Variants in DIAPH2 observed in about 807,000 individuals in gnomAD.
DIAPH2 encodes the protein diaphanous related formin 2, also known as protein diaphanous homolog 2.
In DIAPH2, 35 loss-of-function variants were observed where a neutral mutation model predicts 92.7. That is an observed-to-expected ratio of 0.38 (90% CI 0.29 to 0.50). The LOEUF is 0.50. DIAPH2 is among the 20% of genes least tolerant of loss of function. The pLI, the probability that DIAPH2 is intolerant of heterozygous loss-of-function variation, is 0.94. For synonymous variants in DIAPH2, 301 were observed against 280.4 expected, an observed-to-expected ratio of 1.07 and a Z score of -0.73; for missense variants, 701 against 819.5, an observed-to-expected ratio of 0.86 and a Z score of 1.77.
chrX:96,901,949 G>C (rs771623701), intron 5 of DIAPH2, among the ~76,000 whole-genome samples: 1 of 111,675 alleles, frequency 9.0e-6, no homozygotes, highest in East Asian at 2.8e-4. Flanking sequence ...TCTTAGCACT[G>C]CTTTTGCCAT....
chrX:97,163,353 C>G (rs2067388740), intron 22 of DIAPH2, among the ~76,000 whole-genome samples: 1 of 110,529 alleles, frequency 9.0e-6, no homozygotes, highest in African/African-American at 3.3e-5. Flanking sequence ...CCACGCCTGG[C>G]TGATTTTTGT....
intron 22 of DIAPH2, among the ~76,000 whole-genome samples, chrX:97,226,203 T>G (rs948383825): frequency 9.0e-6 from 1 of 111,565 alleles, no homozygotes; most frequent in African/African-American, 3.3e-5. Flanking sequence ...AAGTCTGTAG[T>G]TGTTATTAAT....
chrX:96,765,865 A>G (rs1447700714), intron 4 of DIAPH2, among the ~76,000 whole-genome samples: 1 of 110,664 alleles, frequency 9.0e-6, no homozygotes, highest in East Asian at 2.8e-4. Context: ...TTATTCTTTA[A>G]TACCTTTAAA....
intron 23 of DIAPH2, among the ~76,000 whole-genome samples, chrX:97,339,034 T>C (rs5921789): frequency 0.024 from 2,634 of 111,722 alleles, 28 homozygotes; most frequent in Middle Eastern, 0.041. Context: ...TATGGAGGAA[T>C]TACAACTATC....
chrX:96,738,495 T>C, intron 2 of DIAPH2, 91 bp from the exon 3 acceptor site: 4 of 717,855 alleles, frequency 5.6e-6, no homozygotes, highest in Non-Finnish European at 6.1e-6. Flanking sequence ...ATATGTATTA[T>C]ACTAAGTGCC....
At chrX:96,768,294 G>A (rs1248752878) in intron 4 of DIAPH2, among the ~76,000 whole-genome samples, 4 of 111,860 alleles carry the variant, frequency 3.6e-5, no homozygotes, top group Non-Finnish European at 7.5e-5. Flanking sequence ...CAGCAGCAAC[G>A]GCTTTTTGGG....
intron 23 of DIAPH2, among the ~76,000 whole-genome samples, chrX:97,251,934 G>A (rs777664666): frequency 1.1e-3 from 124 of 111,431 alleles, no homozygotes; most frequent in Middle Eastern, 4.6e-3. Flanking sequence ...GCATGCCAAG[G>A]TAGCGTACTT....
intron 23 of DIAPH2, among the ~76,000 whole-genome samples, chrX:97,333,089 G>T (rs1027465146): frequency 9.0e-6 from 1 of 111,618 alleles, no homozygotes; most frequent in Non-Finnish European, 1.9e-5. Context: ...CCTATATTTG[G>T]GGGGAGTATA....
chrX:96,717,146 CTT>C (rs752040743), intron 1 of DIAPH2, among the ~76,000 whole-genome samples: 2 of 112,012 alleles, frequency 1.8e-5, no homozygotes, highest in South Asian at 7.4e-4. Context: ...TTGTAGAAAT[CTT>C]TTGGTTTTGA....
intron 17 of DIAPH2, among the ~76,000 whole-genome samples, chrX:97,042,635 G>T (rs1055556577): frequency 2.8e-4 from 31 of 111,882 alleles, no homozygotes; most frequent in South Asian, 1.1e-3. Flanking sequence ...ATTCTATTTT[G>T]TGAAGTCAAT....
chrX:97,210,702 T>C (rs1602419555), intron 22 of DIAPH2, among the ~76,000 whole-genome samples: 1 of 112,035 alleles, frequency 8.9e-6, no homozygotes, highest in African/African-American at 3.2e-5. Flanking sequence ...CAACAGTTTC[T>C]ATTCCACAGA....
chrX:97,473,119 G>T (rs1317541549), intron 26 of DIAPH2, among the ~76,000 whole-genome samples: 1 of 111,306 alleles, frequency 9.0e-6, no homozygotes. Context: ...ACACACTTTA[G>T]CCCTTTATTA....
intron 4 of DIAPH2, among the ~76,000 whole-genome samples, chrX:96,811,963 A>G: frequency 9.0e-6 from 1 of 111,244 alleles, no homozygotes; most frequent in Non-Finnish European, 1.9e-5. Flanking sequence ...TTCATCAGGG[A>G]TATTGGTCTA....
At position 96,833,249 on chromosome X, in the gene DIAPH2, T is replaced by C. The variant is rs779373537; in HGVS notation, c.448-48330T>C. Among the ~76,000 whole-genome samples, 6 of 111,497 alleles carry C rather than the reference T, an allele frequency of 5.4e-5. No homozygotes were observed. The South Asian group carries it at 2.2e-3, about 42-fold the overall frequency. ...AACATTTATTGAATCATCTCCAAAG[T>C]AGTATAAGATATTTGTATACAGAAA... On this transcript the variant is annotated intron_variant, in intron 4 of 26. Coordinates refer to ENST00000324765, the MANE Select transcript of DIAPH2 (RefSeq NM_006729.5).
At chrX:96,697,653 A>G (rs1341701341) in intron 1 of DIAPH2, among the ~76,000 whole-genome samples, 1 of 111,429 alleles carries the variant, frequency 9.0e-6, no homozygotes, top group Non-Finnish European at 1.9e-5. Context: ...TCAAAAAAAT[A>G]AAATATTTTT....
chrX:97,167,504 AG>A (rs1306814691), intron 22 of DIAPH2, among the ~76,000 whole-genome samples: 3 of 111,591 alleles, frequency 2.7e-5, no homozygotes, highest in African/African-American at 6.5e-5. Flanking sequence ...CAGATTTCTT[AG>A]TACTATTATG....
chrX:97,380,478 ACC>A (rs758204658), intron 24 of DIAPH2, among the ~76,000 whole-genome samples: 139 of 111,623 alleles, frequency 1.2e-3, no homozygotes, highest in African/African-American at 4.2e-3. Context: ...GATTTTCTTA[ACC>A]TGACCTTAAA....
At chrX:97,391,045 C>T (rs1011522694) in intron 25 of DIAPH2, among the ~76,000 whole-genome samples, 1 of 111,155 alleles carries the variant, frequency 9.0e-6, no homozygotes, top group Non-Finnish European at 1.9e-5. Context: ...TTACTTTATA[C>T]TTGGACTATA....
chrX:97,409,738 G>A (rs5920915), intron 25 of DIAPH2, among the ~76,000 whole-genome samples: 3,129 of 112,258 alleles, frequency 0.028, 36 homozygotes, highest in Middle Eastern at 0.041. Context: ...CTGGCTCAGC[G>A]GGCCCCACGC....
Sources: allele counts gnomAD v4.1 joint callset (sites outside exome capture counted in the v4.1 genomes callset), GRCh38; gene constraint gnomAD v4.1.1; transcripts MANE v1.5; gene names NCBI Gene and HGNC (gene_info 2026-07-23, HGNC 2026-07-21).